GPC5: variants seen among roughly 807,000 people sequenced by gnomAD.
The protein encoded by GPC5 is glypican 5, also known as glypican-5.
A neutral mutation model predicts 53.9 loss-of-function variants in GPC5; 47 were observed. The observed-to-expected ratio is 0.87, with a 90% CI of 0.69 to 1.11. The LOEUF (loss-of-function observed/expected upper bound fraction) is 1.11. GPC5 is among the 50% of genes most tolerant of loss of function. GPC5 has a pLI of 0.00. For synonymous variants in GPC5, 286 were observed against 263.3 expected, an observed-to-expected ratio of 1.09 and a Z score of -0.84; for missense variants, 748 against 713.1, an observed-to-expected ratio of 1.05 and a Z score of -0.56.
chr13:92,747,252 C>A (rs937662442), intron 7 of GPC5, among the ~76,000 whole-genome samples: 5 of 152,000 alleles, frequency 3.3e-5, no homozygotes, highest in Non-Finnish European at 7.4e-5. Context: ...TTATTTTATC[C>A]CCATTTTACA....
At chr13:92,633,047 T>C (rs1335768010) in intron 7 of GPC5, among the ~76,000 whole-genome samples, 2 of 152,086 alleles carry the variant, frequency 1.3e-5, no homozygotes, top group Non-Finnish European at 2.9e-5. Context: ...TGCACCACTA[T>C]GCCCAGCTTA....
intron 6 of GPC5, among the ~76,000 whole-genome samples, chr13:91,971,282 C>A (rs530330259): frequency 0.023 from 3,520 of 151,792 alleles, 137 homozygotes; most frequent in African/African-American, 0.081. Context: ...CTCTGATGGT[C>A]GTTTGTATTT....
chr13:92,697,314 T>A (rs1038878264), intron 7 of GPC5, among the ~76,000 whole-genome samples: 12 of 152,228 alleles, frequency 7.9e-5, no homozygotes, highest in Admixed American at 2.0e-4. Context: ...ACGATATTGA[T>A]TCTTCCTATC....
At chr13:91,628,267 T>C (rs200946566) in intron 2 of GPC5, among the ~76,000 whole-genome samples, 2 of 150,386 alleles carry the variant, frequency 1.3e-5, no homozygotes, top group African/African-American at 4.8e-5. Flanking sequence ...GCTTTTTTTT[T>C]CCATTAAGTT....
At chr13:91,615,179 CTT>C (rs1471579538) in intron 2 of GPC5, among the ~76,000 whole-genome samples, 1 of 152,094 alleles carries the variant, frequency 6.6e-6, no homozygotes, top group African/African-American at 2.4e-5. Context: ...AAGGTGGACA[CTT>C]ATTTCTTTCT....
intron 2 of GPC5, among the ~76,000 whole-genome samples, chr13:91,614,079 G>A (rs545786649): frequency 1.5e-3 from 233 of 152,194 alleles, no homozygotes; most frequent in Non-Finnish European, 2.9e-3. Context: ...TATGCTGGAT[G>A]TAGTCATATT....
chr13:91,863,622 A>G (rs1000009889), intron 5 of GPC5, among the ~76,000 whole-genome samples: 1 of 152,130 alleles, frequency 6.6e-6, no homozygotes, highest in African/African-American at 2.4e-5. Context: ...GTCTAAGCCA[A>G]GGTTTCCTGC....
chr13:92,806,412 T>C (rs1877101821), intron 7 of GPC5, among the ~76,000 whole-genome samples: 1 of 152,058 alleles, frequency 6.6e-6, no homozygotes, highest in Admixed American at 6.6e-5. Flanking sequence ...TTTTGTTGTG[T>C]ATTCACTGGA....
At chr13:92,610,464 C>T (rs1303654030) in intron 7 of GPC5, among the ~76,000 whole-genome samples, 1 of 152,034 alleles carries the variant, frequency 6.6e-6, no homozygotes. Context: ...TTCCAAGGTA[C>T]CATATAGTAC....
intron 6 of GPC5, among the ~76,000 whole-genome samples, chr13:91,960,664 C>T (rs911702137): frequency 3.3e-5 from 5 of 151,840 alleles, no homozygotes; most frequent in African/African-American, 1.2e-4. Context: ...AAATATATTA[C>T]AAGGCTATAG....
intron 3 of GPC5, among the ~76,000 whole-genome samples, chr13:91,715,411 T>G (rs2036315071): frequency 6.6e-6 from 1 of 152,242 alleles, no homozygotes; most frequent in South Asian, 2.1e-4. Context: ...CTGGATATAT[T>G]CTTGAAATAC....
In GPC5 at chr13:91,969,174, G is replaced by T. The variant is rs2065195; in HGVS notation, c.1401+61117G>T. ...AGTAGAGGCAAGGTTTCCCCATGTT[G>T]GTCAGGTTGGTTTTGAACTCCTGAC... is the stretch of plus-strand genomic sequence containing the variant. On this transcript the variant is annotated intron_variant, in intron 6 of 7. Transcript: ENST00000377067. 4.0e-3 allele frequency among the ~76,000 whole-genome samples: 609 copies of T among 151,826 alleles called. 1 individual carries two copies. The highest frequency in any genetic ancestry group is 0.017 in the Middle Eastern group (5 of 290).
chr13:92,344,941 C>T (rs1020951967), intron 7 of GPC5, among the ~76,000 whole-genome samples: 1 of 152,056 alleles, frequency 6.6e-6, no homozygotes, highest in African/African-American at 2.4e-5. Context: ...AATCATGAGA[C>T]ATTTGAAGAG....
Position 92,005,751 on chromosome 13 carries a change from A to G in GPC5, c.1401+97694A>G, listed in dbSNP as rs141702215. On this transcript the variant is annotated intron_variant, in intron 6 of 7. Coordinates refer to ENST00000377067, the MANE Select transcript of GPC5 (RefSeq NM_004466.6). ...GTTCCTAGCCTATAATTAGTGATCA[A>G]CAAATATCTGCTGGTTCTTCTGCAT... Among the ~76,000 whole-genome samples, 12 of 152,358 alleles carry G rather than the reference A, an allele frequency of 7.9e-5. No individual in the cohort carries two copies. The East Asian group carries it at 1.9e-3, about 25-fold the overall frequency.
chr13:91,772,518 A>T (rs2037642187), intron 5 of GPC5, among the ~76,000 whole-genome samples: 1 of 152,026 alleles, frequency 6.6e-6, no homozygotes, highest in African/African-American at 2.4e-5. Context: ...TGATATAAGA[A>T]CTCTACTCTT....
rs575773533 is a variant in GPC5 at position 92,385,473 on chromosome 13, T to C, written c.1561+240484T>C. Reference sequence around the variant, plus strand: ...ATATACATATATACACATATATACATATATACATATATACACATATATACA... The same window carrying C: ...ATATACATATATACACATATATACACATATACATATATACACATATATACA... On this transcript the variant is annotated intron_variant, in intron 7 of 7. Transcript: ENST00000377067. Among the ~76,000 whole-genome samples the C allele has an allele frequency of 1.3e-3, 75 of 59,690 alleles. 1 individual carries two copies. The highest frequency in any genetic ancestry group is 1.8e-3 in the Non-Finnish European group (57 of 31,470). 39.2% of individuals were successfully genotyped at this position (59,690 alleles called of 152,430 possible).
At chr13:91,469,724 A>G (rs1165042641) in intron 2 of GPC5, among the ~76,000 whole-genome samples, 8 of 152,172 alleles carry the variant, frequency 5.3e-5, no homozygotes, top group Non-Finnish European at 2.9e-5. Flanking sequence ...TTTGTTATAT[A>G]AAAATTCAGA....
intron 7 of GPC5, chr13:92,340,582 T>C (rs1485272577): frequency 1.3e-5 from 2 of 152,148 alleles, no homozygotes; most frequent in East Asian, 3.8e-4. Flanking sequence ...TAGTCTTGGA[T>C]TTTCAAGTAC....
At chr13:92,711,509 AT>A (rs1251565944) in intron 7 of GPC5, among the ~76,000 whole-genome samples, 2 of 152,240 alleles carry the variant, frequency 1.3e-5, no homozygotes, top group East Asian at 3.9e-4. Context: ...CAGTTGGAGC[AT>A]TTAATATCTC....
Sources: gnomAD v4.1 joint callset for allele counts (sites outside exome capture counted in the v4.1 genomes callset) on GRCh38, gnomAD v4.1.1 for gene constraint, MANE v1.5 for transcripts, NCBI Gene and HGNC (gene_info 2026-07-23, HGNC 2026-07-21) for gene names.